The following EYS variants were observed in gnomAD, a reference collection of about 807,000 sequenced individuals.
EYS encodes the protein EGF-like photoreceptor maintenance factor.
Under a neutral mutation model 282.1 loss-of-function variants are expected in EYS, and 250 were observed. The observed-to-expected ratio is 0.89, with a 90% CI of 0.80 to 0.98. EYS has a LOEUF of 0.98. Among genes scored for constraint, EYS ranks in the 50% least tolerant of loss-of-function variants. The pLI, the probability that EYS is intolerant of heterozygous loss-of-function variation, is 0.00. For synonymous variants in EYS, 1,355 were observed against 1,282.9 expected, an observed-to-expected ratio of 1.06 and a Z score of -1.20; for missense variants, 4,016 against 3,709.0, an observed-to-expected ratio of 1.08 and a Z score of -2.15.
At chr6:65,382,558 A>G (rs1049713638) in intron 8 of EYS, among the ~76,000 whole-genome samples, 3 of 150,862 alleles carry the variant, frequency 2.0e-5, no homozygotes, top group African/African-American at 7.3e-5. Context: ...AGGGGGACAG[A>G]ACTAATAGGA....
chr6:65,586,974 CTTTTA>C (rs1368805481), intron 2 of EYS, among the ~76,000 whole-genome samples: 1 of 151,870 alleles, frequency 6.6e-6, no homozygotes, highest in Non-Finnish European at 1.5e-5. Flanking sequence ...TAAATACATG[CTTTTA>C]TTTTATTTCC....
chr6:64,264,901 C>CA (rs1411360422), intron 30 of EYS, among the ~76,000 whole-genome samples: 1 of 151,330 alleles, frequency 6.6e-6, no homozygotes, highest in Non-Finnish European at 1.5e-5. Flanking sequence ...GAGACTGTCT[C>CA]AAAAAACAAA....
chr6:64,210,840 A>G (rs764862619), intron 31 of EYS, among the ~76,000 whole-genome samples: 3 of 152,086 alleles, frequency 2.0e-5, no homozygotes, highest in Non-Finnish European at 4.4e-5. Context: ...GCAACATCCA[A>G]CTGGCTGAGG....
intron 33 of EYS, among the ~76,000 whole-genome samples, chr6:64,020,473 T>C (rs572162941): frequency 6.6e-6 from 1 of 152,300 alleles, no homozygotes; most frequent in South Asian, 2.1e-4. Context: ...TGTAACAGAC[T>C]TCTGTAAAGT....
At chr6:64,085,687 T>C (rs1231547251) in intron 31 of EYS, among the ~76,000 whole-genome samples, 1 of 152,214 alleles carries the variant, frequency 6.6e-6, no homozygotes, top group Non-Finnish European at 1.5e-5. Flanking sequence ...AATATCCTGT[T>C]TATGCCTATA....
intron 22 of EYS, among the ~76,000 whole-genome samples, chr6:64,711,386 G>T (rs1244937622): frequency 1.3e-5 from 2 of 152,110 alleles, no homozygotes; most frequent in Non-Finnish European, 2.9e-5. Flanking sequence ...TGTGTACAGG[G>T]TTGAATTTTG....
intron 9 of EYS, among the ~76,000 whole-genome samples, chr6:65,350,074 GC>G (rs1210977509): frequency 2.0e-5 from 3 of 151,158 alleles, no homozygotes; most frequent in Admixed American, 1.3e-4. Context: ...ATGTAAAAAT[GC>G]TTTAAAAACT....
chr6:65,359,821 A>T (rs1302747200), intron 8 of EYS, among the ~76,000 whole-genome samples: 2 of 151,854 alleles, frequency 1.3e-5, no homozygotes, highest in African/African-American at 4.8e-5. Context: ...AAAAGCATTA[A>T]CTCATTCTAT....
At chr6:64,688,482 C>G (rs1277921995) in intron 22 of EYS, among the ~76,000 whole-genome samples, 1 of 152,100 alleles carries the variant, frequency 6.6e-6, no homozygotes, top group Non-Finnish European at 1.5e-5. Flanking sequence ...TTGTTATGTA[C>G]CCAGTAGTCA....
At chr6:63,956,573 A>C (rs1245979794) in intron 35 of EYS, among the ~76,000 whole-genome samples, 1 of 152,168 alleles carries the variant, frequency 6.6e-6, no homozygotes, top group Non-Finnish European at 1.5e-5. Flanking sequence ...GGGTATTTAA[A>C]GCATTATTTT....
intron 26 of EYS, among the ~76,000 whole-genome samples, chr6:64,469,019 A>G (rs1420763783): frequency 1.3e-5 from 2 of 152,192 alleles, no homozygotes; most frequent in African/African-American, 2.4e-5. Flanking sequence ...GTATATACCC[A>G]ATGTTGGGAT....
intron 28 of EYS, among the ~76,000 whole-genome samples, chr6:64,393,957 C>T (rs1199425485): frequency 1.3e-5 from 2 of 151,784 alleles, no homozygotes; most frequent in Admixed American, 1.3e-4. Flanking sequence ...AATCAATGTA[C>T]AAAAATCACA....
At chr6:63,940,997 T>C (rs1331078304) in intron 35 of EYS, among the ~76,000 whole-genome samples, 1 of 152,154 alleles carries the variant, frequency 6.6e-6, no homozygotes, top group African/African-American at 2.4e-5. Context: ...TCCATTTCCC[T>C]GCAAAGGACA....
chr6:65,366,128 T>C (rs1258609427), intron 8 of EYS, among the ~76,000 whole-genome samples: 1 of 151,668 alleles, frequency 6.6e-6, no homozygotes, highest in Non-Finnish European at 1.5e-5. Context: ...CTAGTATGAA[T>C]GATAAATTAG....
chr6:65,046,279 A>T (rs1162773420), intron 13 of EYS, among the ~76,000 whole-genome samples: 2 of 151,924 alleles, frequency 1.3e-5, no homozygotes, highest in African/African-American at 4.8e-5. Context: ...TTTATAATGG[A>T]AGACTCTTCC....
At chr6:65,502,158 G>A (rs1023916866) in intron 2 of EYS, among the ~76,000 whole-genome samples, 1 of 151,544 alleles carries the variant, frequency 6.6e-6, no homozygotes, top group African/African-American at 2.4e-5. Flanking sequence ...GGCTATATGC[G>A]ACTTATAGAC....
intron 11 of EYS, among the ~76,000 whole-genome samples, chr6:65,325,217 C>CCCTT (rs894158142): frequency 5.9e-5 from 9 of 152,152 alleles, no homozygotes; most frequent in African/African-American, 1.9e-4. Context: ...CTCCTCCTCT[C>CCCTT]CCTTCTTCAT....
intron 12 of EYS, among the ~76,000 whole-genome samples, chr6:65,232,338 C>T (rs761779399): frequency 2.9e-4 from 44 of 152,132 alleles, no homozygotes; most frequent in Admixed American, 9.8e-4. Flanking sequence ...GTGGTACTTT[C>T]GGAGAACAAA....
intron 30 of EYS, among the ~76,000 whole-genome samples, chr6:64,305,127 T>C (rs368533490): frequency 9.2e-5 from 14 of 152,186 alleles, no homozygotes; most frequent in African/African-American, 3.4e-4. Context: ...ATATTGTAAA[T>C]AAAATTGATT....
Sources: gnomAD v4.1 joint callset for allele counts (sites outside exome capture counted in the v4.1 genomes callset) on GRCh38, gnomAD v4.1.1 for gene constraint, MANE v1.5 for transcripts, NCBI Gene and HGNC (gene_info 2026-07-23, HGNC 2026-07-21) for gene names.